The following WWP2 variants were observed in gnomAD, a reference collection of about 807,000 sequenced individuals.
WWP2 encodes the protein NEDD4-like E3 ubiquitin-protein ligase WWP2.
In WWP2, 57 loss-of-function variants were observed where a neutral mutation model predicts 121.0. The observed-to-expected ratio is 0.47, with a 90% CI of 0.38 to 0.59. The LOEUF (loss-of-function observed/expected upper bound fraction) is 0.59. WWP2 is among the 20% of genes least tolerant of loss of function. The probability of loss-of-function intolerance (pLI) is 0.00; values close to 1 mark genes in which losing one functional copy is unlikely to be tolerated. For missense variants in WWP2, 962 were observed against 1,158.9 expected (o/e 0.83, Z 2.47); for synonymous variants, 449 against 441.3 (o/e 1.02, Z -0.22).
At chr16:69,873,556 G>A (rs376797337) in intron 7 of WWP2, among the ~76,000 whole-genome samples, 2 of 152,248 alleles carry the variant, frequency 1.3e-5, no homozygotes, top group Non-Finnish European at 2.9e-5. Flanking sequence ...TGGAACATCC[G>A]GTGGTAGCTG....
At position 69,799,544 on chromosome 16, in the gene WWP2, G is replaced by A. The variant is rs574777359; in HGVS notation, c.340+249G>A. The A allele has an allele frequency of 2.0e-4, 77 of 387,998 alleles. No individual in the cohort carries two copies. Among genetic ancestry groups the A allele is most frequent in the African/African-American group, 1.4e-3 (67 of 48,806 alleles). The allele number at this position is 387,998 out of a possible 1,614,324, so 24.0% of individuals were successfully genotyped here. On this transcript the variant is annotated intron_variant, in intron 4 of 23. Coordinates refer to ENST00000359154, the MANE Select transcript of WWP2 (RefSeq NM_001270454.2). The surrounding 1 kb of genome is among the most constrained non-coding windows in gnomAD (Gnocchi z 4.5). ...GTGTTGCCCTTTATCCTTCCTTAGG[G>A]ACTGGAAACTTTCTGTCTGCCTCTG...
At chr16:69,871,609 C>G (rs2057637457) in intron 6 of WWP2, 195 bp from the exon 7 acceptor site, 1 of 663,736 alleles carries the variant, frequency 1.5e-6, no homozygotes, top group African/African-American at 1.8e-5. Context: ...ACCTTCTGAG[C>G]TTTTACCAAA....
chr16:69,838,934 A>T (rs576436941), intron 4 of WWP2: 10 of 976,476 alleles, frequency 1.0e-5, no homozygotes, highest in Non-Finnish European at 1.1e-5. Context: ...GACTTGATCC[A>T]GAATTTTCTG....
chr16:69,852,272 G>A (rs920878917), intron 6 of WWP2, among the ~76,000 whole-genome samples: 1 of 150,010 alleles, frequency 6.7e-6, no homozygotes, highest in Admixed American at 6.6e-5. Context: ...GATATATGAT[G>A]TGGAGAGTCT....
In WWP2 at chr16:69,907,968, C is replaced by T. The variant is rs543824062; in HGVS notation, c.915-793C>T. On this transcript the variant is annotated intron_variant, in intron 8 of 23. Transcript: ENST00000359154. The stretch of plus-strand genomic sequence containing the variant: ...AGAACCTGTGACTTTAAGCCGGGTG[C>T]GGTGGCTCACTCCTGTAATCCCAGC... Among the ~76,000 whole-genome samples, 151 of 152,248 alleles carry T rather than the reference C, an allele frequency of 9.9e-4. 1 individual carries two copies. Among genetic ancestry groups the T allele is most frequent in the Middle Eastern group, 3.4e-3 (1 of 294 alleles).
chr16:69,850,788 A>G (rs942371804), intron 6 of WWP2, among the ~76,000 whole-genome samples: 3 of 152,236 alleles, frequency 2.0e-5, no homozygotes, highest in Non-Finnish European at 2.9e-5. Context: ...CCAGCCTGCC[A>G]TCTGCTTTTT....
chr16:69,828,206 C>T (rs2937124), intron 4 of WWP2, among the ~76,000 whole-genome samples: 42,302 of 151,762 alleles, frequency 0.28, 7,236 homozygotes, highest in Non-Finnish European at 0.38. Context: ...CATGAGTGCC[C>T]AATCCACCTT....
At chr16:69,822,342 C>T (rs1046342977) in intron 4 of WWP2, among the ~76,000 whole-genome samples, 13 of 152,180 alleles carry the variant, frequency 8.5e-5, no homozygotes, top group Middle Eastern at 3.2e-3. Flanking sequence ...CTTTGAATTC[C>T]GAGCTAGAGG....
In WWP2 at chr16:69,871,870, T is replaced by C; in HGVS notation, c.642T>C (p.Ala214=). 1 of 1,614,020 alleles carries C rather than the reference T, an allele frequency of 6.2e-7. No homozygotes were observed. The highest frequency in any genetic ancestry group is 8.5e-7 in the Non-Finnish European group (1 of 1,180,026). ...TPATGEQSPG[A]RSRHRQPVKN... ...CAACCGGCGAGCAAAGCCCCGGTGC[T>C]CGGAGCCGGCACCGCCAGCCCGTCA... The change falls in exon 7 of 24, where the codon GCT becomes GCC. Residue 214 remains alanine (A), a synonymous_variant. Coordinates refer to ENST00000359154, the MANE Select transcript of WWP2 (RefSeq NM_001270454.2).
chr16:69,823,847 A>G (rs553268326), intron 4 of WWP2, among the ~76,000 whole-genome samples: 28 of 152,258 alleles, frequency 1.8e-4, no homozygotes, highest in African/African-American at 6.7e-4. Flanking sequence ...GTAGGGTTAT[A>G]TTTGTACAGT....
At chr16:69,920,104 C>G (rs981715175) in intron 10 of WWP2, among the ~76,000 whole-genome samples, 5 of 152,070 alleles carry the variant, frequency 3.3e-5, no homozygotes, top group Admixed American at 6.5e-5. Context: ...TGATGGACCC[C>G]CGACTTTTAA....
intron 2 of WWP2, among the ~76,000 whole-genome samples, chr16:69,792,138 T>A (rs369670303): frequency 6.6e-6 from 1 of 152,324 alleles, no homozygotes; most frequent in African/African-American, 2.4e-5. Flanking sequence ...CTGCGCGGTT[T>A]CCAGTTCCCT....
At chr16:69,816,595 G>C (rs1567682097) in intron 4 of WWP2, among the ~76,000 whole-genome samples, 1 of 151,640 alleles carries the variant, frequency 6.6e-6, no homozygotes, top group South Asian at 2.1e-4. Flanking sequence ...GTATTTTTCT[G>C]ATTATTATTA....
chr16:69,867,222 T>C (rs1299594549), intron 6 of WWP2, among the ~76,000 whole-genome samples: 1 of 151,554 alleles, frequency 6.6e-6, no homozygotes, highest in African/African-American at 2.4e-5. Flanking sequence ...AAGGTGACAA[T>C]GGTCAGCGAG....
intron 4 of WWP2, among the ~76,000 whole-genome samples, chr16:69,823,943 GC>G (rs1443783068): frequency 6.6e-6 from 1 of 152,222 alleles, no homozygotes; most frequent in Non-Finnish European, 1.5e-5. Flanking sequence ...TTTCTCATCA[GC>G]CGTGTAGCAT....
chr16:69,850,040 A>C (rs1597051616), intron 6 of WWP2, among the ~76,000 whole-genome samples: 1 of 152,292 alleles, frequency 6.6e-6, no homozygotes, highest in East Asian at 1.9e-4. Context: ...GTTGAAGGCA[A>C]TATTCACTTG....
chr16:69,791,581 G>A (rs1597671969), intron 2 of WWP2, among the ~76,000 whole-genome samples: 2 of 151,190 alleles, frequency 1.3e-5, no homozygotes, highest in Non-Finnish European at 1.5e-5. Flanking sequence ...GAATGTAGTG[G>A]CATGATTACA....
intron 19 of WWP2, chr16:69,936,821 C>T: frequency 4.2e-6 from 2 of 475,756 alleles, no homozygotes; most frequent in South Asian, 5.1e-5. Flanking sequence ...GCCTGTTCCT[C>T]AGGCCTCTTG....
chr16:69,914,192 T>C (rs1361208623), intron 9 of WWP2, among the ~76,000 whole-genome samples: 1 of 146,856 alleles, frequency 6.8e-6, no homozygotes. Flanking sequence ...ACTTGCGGAA[T>C]AGCAGGAAAG....
Sources: allele counts gnomAD v4.1 joint callset (sites outside exome capture counted in the v4.1 genomes callset), GRCh38; gene constraint gnomAD v4.1.1; non-coding constraint Gnocchi (gnomAD v3.1); transcripts MANE v1.5; gene names NCBI Gene and HGNC (gene_info 2026-07-23, HGNC 2026-07-21).